DENND1A: variants seen among roughly 807,000 people sequenced by gnomAD.
DENND1A encodes the protein DENN domain-containing protein 1A.
In DENND1A, 51 loss-of-function variants were observed where a neutral mutation model predicts 113.7. That is an observed-to-expected ratio of 0.45 (90% CI 0.36 to 0.57). The LOEUF is 0.57. Among genes scored for constraint, DENND1A ranks in the 20% least tolerant of loss-of-function variants. DENND1A has a pLI of 0.00. For missense variants in DENND1A, 1,258 were observed against 1,395.9 expected, an observed-to-expected ratio of 0.90 and a Z score of 1.57; for synonymous variants, 565 against 570.8, an observed-to-expected ratio of 0.99 and a Z score of 0.14.
intron 1 of DENND1A, among the ~76,000 whole-genome samples, chr9:123,918,105 C>T (rs1403084870): frequency 6.7e-6 from 1 of 149,960 alleles, no homozygotes; most frequent in Non-Finnish European, 1.5e-5. Flanking sequence ...CAGGATGAGA[C>T]TCTGTCTCAA....
intron 21 of DENND1A, among the ~76,000 whole-genome samples, chr9:123,399,343 G>T (rs1028189738): frequency 6.6e-6 from 1 of 152,140 alleles, no homozygotes; most frequent in Non-Finnish European, 1.5e-5. Flanking sequence ...CAATGGGAAA[G>T]CTACCACCTA....
intron 11 of DENND1A, among the ~76,000 whole-genome samples, chr9:123,591,842 G>A (rs988856875): frequency 6.6e-6 from 1 of 152,184 alleles, no homozygotes; most frequent in Non-Finnish European, 1.5e-5. Context: ...TAATAATAAC[G>A]ATGGCAATGA....
intron 3 of DENND1A, among the ~76,000 whole-genome samples, chr9:123,780,533 C>T (rs1218126569): frequency 1.3e-5 from 2 of 152,088 alleles, no homozygotes; most frequent in African/African-American, 4.8e-5. Context: ...AGCAGTGAGA[C>T]CACATGGGCC....
intron 5 of DENND1A, among the ~76,000 whole-genome samples, chr9:123,700,058 T>C (rs2140618168): frequency 6.6e-6 from 1 of 152,324 alleles, no homozygotes; most frequent in East Asian, 1.9e-4. Flanking sequence ...CTAAAAAATA[T>C]ATCTAGATAT....
intron 2 of DENND1A, among the ~76,000 whole-genome samples, chr9:123,833,122 C>CAAAAAAAAAAAAAAAAAAAAAAAAAAA (rs1163844269): frequency 1.5e-4 from 4 of 27,566 alleles, no homozygotes; most frequent in Admixed American, 1.0e-3. Flanking sequence ...GACCTCATCT[C>CAAAAAAAAAAAAAAAAAAAAAAAAAAA]AAAAAAAAAA....
chr9:123,898,814 G>A (rs1851163355), intron 1 of DENND1A, among the ~76,000 whole-genome samples: 1 of 152,194 alleles, frequency 6.6e-6, no homozygotes, highest in Admixed American at 6.5e-5. Context: ...AGGTAAACTT[G>A]ACAGCACCTT....
intron 5 of DENND1A, among the ~76,000 whole-genome samples, chr9:123,678,518 G>A (rs144550437): frequency 3.3e-5 from 5 of 152,308 alleles, no homozygotes; most frequent in Admixed American, 1.3e-4. Flanking sequence ...ATATGGACAC[G>A]AGGTAGCGCA....
rs2061112877 is a variant in DENND1A, at chr9:123,624,558, A to C, written c.719+5818T>G. Among the ~76,000 whole-genome samples the C allele has an allele frequency of 2.6e-5, 4 of 152,366 alleles. No individual in the cohort carries two copies. The East Asian group carries it at 5.8e-4, about 22-fold the overall frequency. ...ATATGTCAGAAAGTTCTTTCACGGA[A>C]ACAAGAGACCAGGAGAAAGACTGCT... On this transcript the variant is annotated intron_variant, in intron 10 of 23. Transcript: ENST00000394215.
chr9:123,869,150 AC>A, intron 2 of DENND1A, among the ~76,000 whole-genome samples: 1 of 152,344 alleles, frequency 6.6e-6, no homozygotes, highest in South Asian at 2.1e-4. Context: ...GAATACAGTC[AC>A]ACTAGAATTC....
chr9:123,435,910 G>A (rs2046481736), intron 19 of DENND1A, among the ~76,000 whole-genome samples: 1 of 152,218 alleles, frequency 6.6e-6, no homozygotes, highest in African/African-American at 2.4e-5. Flanking sequence ...CCCGCTGATG[G>A]CAAAGTCTCA....
chr9:123,519,424 G>C (rs1486453713), intron 13 of DENND1A, among the ~76,000 whole-genome samples: 2 of 146,896 alleles, frequency 1.4e-5, no homozygotes, highest in South Asian at 2.2e-4. Context: ...AGCTGGGCTG[G>C]GTCCTCATAT....
intron 3 of DENND1A, among the ~76,000 whole-genome samples, chr9:123,790,461 T>G (rs1420474227): frequency 6.6e-6 from 1 of 152,142 alleles, no homozygotes; most frequent in African/African-American, 2.4e-5. Flanking sequence ...CTGAGTTGTG[T>G]GCACTCTTAT....
chr9:123,755,941 G>A (rs117910846), intron 5 of DENND1A, among the ~76,000 whole-genome samples: 3,026 of 152,118 alleles, frequency 0.02, 45 homozygotes, highest in Non-Finnish European at 0.029. Flanking sequence ...ATGGAGTTTC[G>A]CTCTTGTCAC....
At chr9:123,496,898 T>C (rs181990285) in intron 13 of DENND1A, among the ~76,000 whole-genome samples, 2 of 152,348 alleles carry the variant, frequency 1.3e-5, no homozygotes, top group African/African-American at 4.8e-5. Context: ...TACTGCCCAC[T>C]GTCATTTTGG....
chr9:123,589,647 GAAAAAAAAA>G (rs58211177), intron 11 of DENND1A, among the ~76,000 whole-genome samples: 1 of 35,432 alleles, frequency 2.8e-5, no homozygotes, highest in Non-Finnish European at 6.3e-5. Context: ...TTCTCAGAAT[GAAAAAAAAA>G]AAAAAAAAAA....
At chr9:123,443,000 G>GGCCTACCCCTGT (rs1564497125) in intron 18 of DENND1A, among the ~76,000 whole-genome samples, 2 of 152,098 alleles carry the variant, frequency 1.3e-5, no homozygotes, top group Admixed American at 1.3e-4. Context: ...CTGTGTGGAC[G>GGCCTACCCCTGT]GCCTACCCCT....
Position 123,587,618 on chromosome 9 carries a change from A to T in DENND1A, c.766-4348T>A, listed in dbSNP as rs1405491937. On this transcript the variant is annotated intron_variant, in intron 11 of 23. Coordinates refer to ENST00000394215, the MANE Select transcript of DENND1A (RefSeq NM_001352964.2). Reference sequence around the variant, plus strand: ...TCCACAAGGGTCGTATTCCATTCCCAGAGCTATGAACATCTTGGTGATGTG... The same window carrying T: ...TCCACAAGGGTCGTATTCCATTCCCTGAGCTATGAACATCTTGGTGATGTG... Among the ~76,000 whole-genome samples the T allele has an allele frequency of 2.0e-5, 3 of 152,296 alleles. No homozygotes were observed. In the East Asian group the frequency reaches 5.8e-4, roughly 29 times the overall value.
At chr9:123,535,304 G>C (rs1204628341) in intron 13 of DENND1A, among the ~76,000 whole-genome samples, 7 of 152,152 alleles carry the variant, frequency 4.6e-5, no homozygotes, top group African/African-American at 1.7e-4. Flanking sequence ...CTCACAGCTG[G>C]GCATGGTGGT....
chr9:123,888,650 C>T (rs1170193300), intron 1 of DENND1A, among the ~76,000 whole-genome samples: 1 of 152,186 alleles, frequency 6.6e-6, no homozygotes, highest in Admixed American at 6.5e-5. Context: ...AATATCTGGC[C>T]TTAATCTTCA....
Sources: gnomAD v4.1 joint callset for allele counts (sites outside exome capture counted in the v4.1 genomes callset) on GRCh38, gnomAD v4.1.1 for gene constraint, MANE v1.5 for transcripts, NCBI Gene and HGNC (gene_info 2026-07-23, HGNC 2026-07-21) for gene names.